PTPRK: variants seen among roughly 807,000 people sequenced by gnomAD.
PTPRK encodes protein tyrosine phosphatase receptor type K.
Under a neutral mutation model 178.0 loss-of-function variants are expected in PTPRK, and 75 were observed. That is an observed-to-expected ratio of 0.42 (90% CI 0.35 to 0.51). PTPRK has a LOEUF of 0.51. PTPRK is among the 20% of genes least tolerant of loss of function. The pLI is 0.02. For missense variants in PTPRK, 1,441 were observed against 1,797.8 expected, an observed-to-expected ratio of 0.80 and a Z score of 3.59; for synonymous variants, 637 against 620.6, an observed-to-expected ratio of 1.03 and a Z score of -0.39.
intron 13 of PTPRK, among the ~76,000 whole-genome samples, chr6:128,024,937 T>C (rs540385867): frequency 6.6e-6 from 1 of 152,284 alleles, no homozygotes; most frequent in East Asian, 1.9e-4. Flanking sequence ...TTTATTAACA[T>C]GTACCAAAAG....
intron 5 of PTPRK, among the ~76,000 whole-genome samples, chr6:128,237,783 T>C (rs1813560279): frequency 1.3e-5 from 2 of 152,190 alleles, no homozygotes; most frequent in African/African-American, 2.4e-5. Context: ...TTGCATGAGT[T>C]AGCTGGTAGA....
intron 7 of PTPRK, among the ~76,000 whole-genome samples, chr6:128,167,112 G>A (rs1294050929): frequency 6.6e-6 from 1 of 151,564 alleles, no homozygotes; most frequent in African/African-American, 2.4e-5. Context: ...AGCCTGTGCT[G>A]TGCCTTATAC....
chr6:128,123,825 T>C (rs867730714), intron 7 of PTPRK, among the ~76,000 whole-genome samples: 2 of 152,116 alleles, frequency 1.3e-5, no homozygotes, highest in Non-Finnish European at 1.5e-5. Context: ...TGTCCCTCCA[T>C]TGGAATTTGT....
At chr6:128,356,289 ACT>A (rs1191411841) in intron 2 of PTPRK, among the ~76,000 whole-genome samples, 3 of 151,914 alleles carry the variant, frequency 2.0e-5, no homozygotes, top group Non-Finnish European at 4.4e-5. Context: ...GTCCAGATCT[ACT>A]CTTTCTCCTT....
At chr6:128,508,330 G>A (rs754704907) in intron 1 of PTPRK, among the ~76,000 whole-genome samples, 2 of 152,100 alleles carry the variant, frequency 1.3e-5, no homozygotes, top group Non-Finnish European at 2.9e-5. Context: ...AAGATTCATG[G>A]AGTGAAAGAA....
At chr6:128,147,663 T>C (rs1415609041) in intron 7 of PTPRK, among the ~76,000 whole-genome samples, 2 of 152,174 alleles carry the variant, frequency 1.3e-5, no homozygotes, top group South Asian at 2.1e-4. Flanking sequence ...CACAGATTGC[T>C]GCAAATGTTT....
chr6:128,111,384 T>C (rs751880948), intron 7 of PTPRK, among the ~76,000 whole-genome samples: 24 of 152,128 alleles, frequency 1.6e-4, no homozygotes, highest in Non-Finnish European at 3.4e-4. Context: ...GAGATCATTC[T>C]TGTTGACCTG....
chr6:128,252,839 G>GC (rs950119781), intron 3 of PTPRK, among the ~76,000 whole-genome samples: 20 of 152,192 alleles, frequency 1.3e-4, no homozygotes, highest in African/African-American at 4.6e-4. Context: ...ATAAATGTTA[G>GC]CCCCTTTCCT....
intron 13 of PTPRK, among the ~76,000 whole-genome samples, chr6:128,038,660 C>T (rs1431470414): frequency 6.6e-6 from 1 of 152,156 alleles, no homozygotes; most frequent in Non-Finnish European, 1.5e-5. Context: ...CACTTAAAGA[C>T]ATTCCAAAGC....
chr6:128,052,915 T>A (rs1340057889), intron 13 of PTPRK, among the ~76,000 whole-genome samples: 2 of 152,172 alleles, frequency 1.3e-5, no homozygotes, highest in Non-Finnish European at 2.9e-5. Context: ...GGTTGGCAAT[T>A]GTGTCCTCTT....
chr6:128,029,638 AAATAATAAT>A (rs55955361), intron 13 of PTPRK, among the ~76,000 whole-genome samples: 6,521 of 136,986 alleles, frequency 0.048, 226 homozygotes, highest in Admixed American at 0.079. Context: ...TTCCATCTCA[AAATAATAAT>A]AATAATAATA....
intron 1 of PTPRK, among the ~76,000 whole-genome samples, chr6:128,488,725 A>G (rs890423392): frequency 1.3e-5 from 2 of 152,210 alleles, no homozygotes; most frequent in African/African-American, 4.8e-5. Flanking sequence ...ATATGGTTCA[A>G]GAAGAAAAGC....
At chr6:128,327,773 A>C (rs569922383) in intron 2 of PTPRK, among the ~76,000 whole-genome samples, 4 of 152,368 alleles carry the variant, frequency 2.6e-5, no homozygotes, top group Admixed American at 2.0e-4. Flanking sequence ...AAGAAGATAG[A>C]AACTTTAACG....
At chr6:128,329,076 G>A (rs1386512493) in intron 2 of PTPRK, among the ~76,000 whole-genome samples, 2 of 152,118 alleles carry the variant, frequency 1.3e-5, no homozygotes, top group African/African-American at 4.8e-5. Context: ...TCACCTGAAA[G>A]AGTATGAGGG....
At position 127,968,866 on chromosome 6, in the gene PTPRK, G is replaced by A. The variant is rs1180897307; in HGVS notation, c.*1361C>T. 2.0e-5 allele frequency: 3 copies of A among 152,208 alleles called. No homozygotes were observed. Among genetic ancestry groups the A allele is most frequent in the Non-Finnish European group, 4.4e-5 (3 of 68,028 alleles). The allele number at this position is 152,208 out of a possible 1,614,324, so 9.4% of individuals were successfully genotyped here. ...ATGTCATGAGCTGGCAATCTAGAAA[G>A]AGGACACTGGAATGCTTTAGTCAAT... On this transcript the variant is annotated 3_prime_UTR_variant, in exon 30 of 30. Transcript: ENST00000368226.
chr6:127,976,526 T>C, intron 27 of PTPRK, 131 bp downstream of exon 27: 1 of 1,113,130 alleles, frequency 9.0e-7, no homozygotes, highest in Non-Finnish European at 1.3e-6. Flanking sequence ...CATAAGATGG[T>C]TACTAGCTTT....
chr6:127,990,972 C>T, intron 20 of PTPRK, 87 bp from the exon 21 acceptor site: 1 of 664,544 alleles, frequency 1.5e-6, no homozygotes, highest in Non-Finnish European at 2.5e-6. Flanking sequence ...AACTCCTTGT[C>T]ACAATTAAAA....
In PTPRK at chr6:128,450,074, C is replaced by A. The variant is rs150242568; in HGVS notation, c.101-52386G>T. Among the ~76,000 whole-genome samples, 64 of 149,572 alleles carry A rather than the reference C, an allele frequency of 4.3e-4. No individual in the cohort carries two copies. In the South Asian group the frequency reaches 5.1e-3, roughly 12 times the overall value. ...CGGAGGTTGCAGCAAGCTGAGATCA[C>A]GCCATTTCACTCCAGCCTGGGTGAC... On this transcript the variant is annotated intron_variant, in intron 1 of 29. Coordinates refer to ENST00000368226, the MANE Select transcript of PTPRK (RefSeq NM_002844.4).
intron 3 of PTPRK, among the ~76,000 whole-genome samples, chr6:128,264,654 C>G (rs1818679864): frequency 6.6e-6 from 1 of 151,984 alleles, no homozygotes; most frequent in Non-Finnish European, 1.5e-5. Context: ...ATACCTGGCT[C>G]ACAGAGTATA....
Sources: gnomAD v4.1 joint callset for allele counts (sites outside exome capture counted in the v4.1 genomes callset) on GRCh38, gnomAD v4.1.1 for gene constraint, MANE v1.5 for transcripts, NCBI Gene and HGNC (gene_info 2026-07-23, HGNC 2026-07-21) for gene names.